SPAG16: variants seen among roughly 807,000 people sequenced by gnomAD.
The protein encoded by SPAG16 is sperm associated antigen 16.
In SPAG16, 86 loss-of-function variants were observed where a neutral mutation model predicts 80.4. The observed-to-expected ratio is 1.07, with a 90% CI of 0.90 to 1.28. The LOEUF (loss-of-function observed/expected upper bound fraction) is 1.28, where lower values mean the gene tolerates loss of function less well. Among genes scored for constraint, SPAG16 ranks in the 50% most tolerant of loss-of-function variants. The pLI, the probability that SPAG16 is intolerant of heterozygous loss-of-function variation, is 0.00. For missense variants in SPAG16, 870 were observed against 765.3 expected (o/e 1.14, Z -1.61); for synonymous variants, 294 against 265.9 (o/e 1.11, Z -1.03).
chr2:213,796,346 C>T (rs530910152), intron 10 of SPAG16, among the ~76,000 whole-genome samples: 34 of 152,262 alleles, frequency 2.2e-4, no homozygotes, highest in African/African-American at 7.7e-4. Context: ...AATCTACTTT[C>T]TATCTCTCTA....
intron 15 of SPAG16, among the ~76,000 whole-genome samples, chr2:214,183,329 T>A (rs12990803): frequency 0.3 from 45,534 of 151,858 alleles, 8,533 homozygotes; most frequent in Non-Finnish European, 0.42. Flanking sequence ...GGAGAATTAC[T>A]GGTGAAGAGA....
At chr2:213,792,576 C>CTTTTTTT (rs11372174) in intron 10 of SPAG16, among the ~76,000 whole-genome samples, 8 of 78,258 alleles carry the variant, frequency 1.0e-4, no homozygotes, top group Admixed American at 1.9e-4. Context: ...AAATGAGTAT[C>CTTTTTTT]TTTTTTTTTT....
At chr2:214,161,318 A>C (rs968079147) in intron 15 of SPAG16, among the ~76,000 whole-genome samples, 9 of 152,156 alleles carry the variant, frequency 5.9e-5, no homozygotes, top group African/African-American at 2.2e-4. Context: ...ATATATACCC[A>C]GTAATGGGAT....
intron 10 of SPAG16, among the ~76,000 whole-genome samples, chr2:213,540,921 G>C (rs1186077168): frequency 6.6e-6 from 1 of 152,252 alleles, no homozygotes; most frequent in African/African-American, 2.4e-5. Flanking sequence ...AAAATCTAGG[G>C]AGAGGGATGG....
At chr2:213,834,957 G>A (rs182384479) in intron 10 of SPAG16, among the ~76,000 whole-genome samples, 7 of 152,148 alleles carry the variant, frequency 4.6e-5, no homozygotes, top group Admixed American at 3.3e-4. Context: ...TCGGTCCTAG[G>A]TTCTTTTATT....
At chr2:214,114,036 A>T (rs904680570) in intron 14 of SPAG16, among the ~76,000 whole-genome samples, 6 of 149,676 alleles carry the variant, frequency 4.0e-5, no homozygotes, top group Admixed American at 3.3e-4. Flanking sequence ...CTTGATGTTG[A>T]TGCTATTCCT....
chr2:214,113,365 A>G (rs2053772121), intron 14 of SPAG16, among the ~76,000 whole-genome samples: 2 of 152,056 alleles, frequency 1.3e-5, no homozygotes, highest in South Asian at 2.1e-4. Flanking sequence ...ATGTTGTTGA[A>G]TGCCTTGCTA....
chr2:213,500,528 T>C (rs188128322), intron 10 of SPAG16, among the ~76,000 whole-genome samples: 2 of 152,364 alleles, frequency 1.3e-5, no homozygotes, highest in African/African-American at 4.8e-5. Flanking sequence ...GGTTGTATAC[T>C]CAATTCCTAC....
intron 11 of SPAG16, among the ~76,000 whole-genome samples, chr2:213,877,930 A>C (rs2076200719): frequency 6.6e-6 from 1 of 152,094 alleles, no homozygotes; most frequent in Admixed American, 6.6e-5. Context: ...TTATTTATGG[A>C]AAGACAAAAG....
chr2:213,425,702 A>G (rs1395627936), intron 9 of SPAG16, among the ~76,000 whole-genome samples: 6 of 151,472 alleles, frequency 4.0e-5, no homozygotes, highest in South Asian at 2.1e-4. Flanking sequence ...AAAGTCGTGT[A>G]TTTCCATTTC....
At chr2:214,059,464 TG>T (rs2125171110) in intron 13 of SPAG16, among the ~76,000 whole-genome samples, 1 of 151,850 alleles carries the variant, frequency 6.6e-6, no homozygotes, top group African/African-American at 2.4e-5. Flanking sequence ...GTGGGGTTTT[TG>T]GTCTTTGTTC....
At chr2:213,368,453 A>G (rs956734347) in intron 8 of SPAG16, among the ~76,000 whole-genome samples, 43 of 152,336 alleles carry the variant, frequency 2.8e-4, no homozygotes, top group Non-Finnish European at 5.3e-4. Context: ...CCCACAGCCA[A>G]TATCATACTG....
chr2:213,703,935 T>G (rs2065622397), intron 10 of SPAG16, among the ~76,000 whole-genome samples: 2 of 152,220 alleles, frequency 1.3e-5, no homozygotes, highest in East Asian at 3.8e-4. Flanking sequence ...TTTGTACTCC[T>G]AAATTCAGCT....
chr2:213,519,156 G>A (rs559970201), intron 10 of SPAG16, among the ~76,000 whole-genome samples: 1 of 152,114 alleles, frequency 6.6e-6, no homozygotes, highest in Non-Finnish European at 1.5e-5. Context: ...TTGTACTTGT[G>A]CCCTCTGTAT....
At position 214,262,181 on chromosome 2, in the gene SPAG16, G is replaced by T. The variant is rs901318266; in HGVS notation, c.1720+112915G>T. On this transcript the variant is annotated intron_variant, in intron 15 of 15. Transcript: ENST00000331683. ...CCCTTATTATTCCAGCATCTTCAGT[G>T]TATTATATAAGAAAAACATTTATCA... Among the ~76,000 whole-genome samples the T allele has an allele frequency of 8.6e-5, 13 of 151,984 alleles. No homozygotes were observed. In the South Asian group the frequency reaches 2.5e-3, roughly 29 times the overall value.
At chr2:213,728,196 T>G (rs2066861169) in intron 10 of SPAG16, among the ~76,000 whole-genome samples, 1 of 152,168 alleles carries the variant, frequency 6.6e-6, no homozygotes, top group Admixed American at 6.5e-5. Flanking sequence ...AATCATTTTT[T>G]CTCTTATTTA....
chr2:214,321,070 C>CT (rs1696062714), intron 15 of SPAG16, among the ~76,000 whole-genome samples: 1 of 152,092 alleles, frequency 6.6e-6, no homozygotes, highest in South Asian at 2.1e-4. Context: ...AGTGAAAGTA[C>CT]TACAGTAAGC....
At chr2:213,358,139 T>A (rs1027847930) in intron 7 of SPAG16, among the ~76,000 whole-genome samples, 2 of 152,236 alleles carry the variant, frequency 1.3e-5, no homozygotes, top group Admixed American at 1.3e-4. Flanking sequence ...GTTAGTCTGA[T>A]GAGCTTCCCC....
chr2:213,882,973 TCTC>T (rs1446280571), intron 11 of SPAG16, among the ~76,000 whole-genome samples: 1 of 152,050 alleles, frequency 6.6e-6, no homozygotes, highest in Non-Finnish European at 1.5e-5. Flanking sequence ...CCCAGGCCAT[TCTC>T]CTCCTCAGCC....
Sources: gnomAD v4.1 joint callset for allele counts (sites outside exome capture counted in the v4.1 genomes callset) on GRCh38, gnomAD v4.1.1 for gene constraint, MANE v1.5 for transcripts, NCBI Gene and HGNC (gene_info 2026-07-23, HGNC 2026-07-21) for gene names.